The following SH3TC2 variants were observed in gnomAD, a reference collection of about 807,000 sequenced individuals.
The protein encoded by SH3TC2 is SH3 domain and tetratricopeptide repeats 2.
A neutral mutation model predicts 124.5 loss-of-function variants in SH3TC2; 87 were observed. That is an observed-to-expected ratio of 0.70 (90% CI 0.59 to 0.84). The LOEUF (loss-of-function observed/expected upper bound fraction) is 0.84. Among genes scored for constraint, SH3TC2 ranks in the 40% least tolerant of loss-of-function variants. The pLI, the probability that SH3TC2 is intolerant of heterozygous loss-of-function variation, is 0.00. For synonymous variants in SH3TC2, 634 were observed against 628.5 expected, an observed-to-expected ratio of 1.01 and a Z score of -0.13; for missense variants, 1,536 against 1,566.4, an observed-to-expected ratio of 0.98 and a Z score of 0.33.
At chr5:149,014,937 T>A (rs1222050030) in intron 12 of SH3TC2, among the ~76,000 whole-genome samples, 1 of 152,220 alleles carries the variant, frequency 6.6e-6, no homozygotes, top group African/African-American at 2.4e-5. Flanking sequence ...CTGCTCTGTT[T>A]TTTTATGTTC....
intron 12 of SH3TC2, among the ~76,000 whole-genome samples, chr5:149,018,673 G>A (rs920187087): frequency 6.6e-6 from 1 of 152,150 alleles, no homozygotes; most frequent in East Asian, 1.9e-4. Flanking sequence ...ATAATTCAAG[G>A]TAAGATTTGG....
chr5:149,042,657 G>C (rs1420188694), intron 5 of SH3TC2, 37 bp downstream of exon 5: 2 of 1,613,114 alleles, frequency 1.2e-6, no homozygotes, highest in Non-Finnish European at 1.7e-6. Flanking sequence ...GCAAATATCT[G>C]AATAAGATCC....
At chr5:149,053,973 T>C (rs1038952393) in intron 1 of SH3TC2, among the ~76,000 whole-genome samples, 6 of 152,204 alleles carry the variant, frequency 3.9e-5, no homozygotes, top group Non-Finnish European at 8.8e-5. Context: ...AGATCTAATG[T>C]TTGATAATAC....
chr5:149,031,121 G>A (rs777772660), intron 9 of SH3TC2, among the ~76,000 whole-genome samples: 7 of 152,170 alleles, frequency 4.6e-5, no homozygotes, highest in Non-Finnish European at 8.8e-5. Flanking sequence ...GCACTAATTC[G>A]TTTAGGCCTG....
Position 149,001,916 on chromosome 5 carries a change from G to A in SH3TC2, c.*2795C>T, listed in dbSNP as rs1378041263. ...GCATGTGCATATTTGCAGCAATTGA[G>A]AAAGATCTGTCCAAACAGAAGTTCA... On this transcript the variant is annotated 3_prime_UTR_variant, in exon 17 of 17. Coordinates refer to ENST00000515425, the MANE Select transcript of SH3TC2 (RefSeq NM_024577.4). 6.6e-6 allele frequency: 1 copy of A among 152,236 alleles called. No homozygotes were observed. Among genetic ancestry groups the A allele is most frequent in the African/African-American group, 2.4e-5 (1 of 41,456 alleles). The allele number at this position is 152,236 out of a possible 1,614,324, so 9.4% of individuals were successfully genotyped here.
Position 149,004,705 on chromosome 5 carries a change from C to A in SH3TC2, c.*6G>T. On this transcript the variant is annotated 3_prime_UTR_variant, in exon 17 of 17. Transcript: ENST00000515425. ...TGCCAAATGTCCAGAGACAGGACAGCTTTCCTCAGAGGGCCAGGCCACCAC... is the reference window on the plus strand; with the variant it reads ...TGCCAAATGTCCAGAGACAGGACAGATTTCCTCAGAGGGCCAGGCCACCAC... 6.2e-7 allele frequency: 1 copy of A among 1,612,684 alleles called. No homozygotes were observed. The highest frequency in any genetic ancestry group is 8.5e-7 in the Non-Finnish European group (1 of 1,179,904).
At chr5:149,049,416 C>T (rs138187310) in intron 2 of SH3TC2, among the ~76,000 whole-genome samples, 1 of 152,300 alleles carries the variant, frequency 6.6e-6, no homozygotes, top group African/African-American at 2.4e-5. Context: ...CCTCTCTATG[C>T]ATGGCTTTTC....
intron 9 of SH3TC2, among the ~76,000 whole-genome samples, chr5:149,029,564 G>A (rs1347589033): frequency 6.6e-6 from 1 of 152,090 alleles, no homozygotes; most frequent in Admixed American, 6.6e-5. Context: ...AAAAGCAGCA[G>A]GGGAGTGAGG....
rs902334825 is a variant in SH3TC2 at position 148,987,362 on chromosome 5, G to T, written c.*17349C>A. On this transcript the variant is annotated 3_prime_UTR_variant, in exon 17 of 17. Transcript: ENST00000515425. ...TTTCATTGATCTATTGCTACAGCCT[G>T]GGGCAGTGCCAGGCACATAGAAGGA... 6.6e-6 allele frequency among the ~76,000 whole-genome samples: 1 copy of T among 152,172 alleles called. No individual in the cohort carries two copies. The highest frequency in any genetic ancestry group is 6.5e-5 in the Admixed American group (1 of 15,278).
rs1235255763 is a variant in SH3TC2 at position 148,986,198 on chromosome 5, A to G, written c.*18513T>C. Among the ~76,000 whole-genome samples, 8 of 152,202 alleles carry G rather than the reference A, an allele frequency of 5.3e-5. No individual in the cohort carries two copies. The highest frequency in any genetic ancestry group is 1.9e-4 in the African/African-American group (8 of 41,460). On this transcript the variant is annotated 3_prime_UTR_variant, in exon 17 of 17. Transcript: ENST00000515425. The stretch of plus-strand genomic sequence containing the variant: ...AACTGCCTTAAACCACAGCTTCTTC[A>G]TCTCTGCAGGGTTTTTGTAAGAACA...
chr5:149,007,252 C>G, intron 15 of SH3TC2, 175 bp from the exon 16 acceptor site: 2 of 682,932 alleles, frequency 2.9e-6, no homozygotes, highest in Non-Finnish European at 5.3e-6. Context: ...TCTCACATGA[C>G]AGACATTCCT....
At position 148,997,260 on chromosome 5, in the gene SH3TC2, G is replaced by C. The variant is rs114534145; in HGVS notation, c.*7451C>G. On this transcript the variant is annotated 3_prime_UTR_variant, in exon 17 of 17. Transcript: ENST00000515425. ...TCCTCAGATGTCCATAGTCTTCTAC[G>C]ATTGGCTCTGGAGTCTCTTGCAAGT... Among the ~76,000 whole-genome samples, 16 of 152,282 alleles carry C rather than the reference G, an allele frequency of 1.1e-4. No homozygotes were observed. Among genetic ancestry groups the C allele is most frequent in the African/African-American group, 3.9e-4 (16 of 41,548 alleles).
At chr5:149,012,844 A>C in intron 12 of SH3TC2, 110 bp from the exon 13 acceptor site, 12 of 1,250,334 alleles carry the variant, frequency 9.6e-6, no homozygotes, top group Non-Finnish European at 1.4e-5. Context: ...GTCCCACATC[A>C]CACAGGGAGG....
At chr5:149,009,062 T>C (rs1753740248) in intron 14 of SH3TC2, 61 bp from the exon 15 acceptor site, 1 of 1,605,800 alleles carries the variant, frequency 6.2e-7, no homozygotes, top group Non-Finnish European at 8.5e-7. Context: ...ATACCATAGC[T>C]AGGAGACTTA....
intron 12 of SH3TC2, among the ~76,000 whole-genome samples, chr5:149,014,190 T>C (rs930292565): frequency 9.9e-5 from 15 of 152,132 alleles, no homozygotes; most frequent in African/African-American, 3.1e-4. Context: ...CAGCATTTCA[T>C]AGGGAGCTTA....
chr5:149,007,202 A>G, intron 15 of SH3TC2, 125 bp from the exon 16 acceptor site: 1 of 845,664 alleles, frequency 1.2e-6, no homozygotes, highest in South Asian at 1.4e-5. Flanking sequence ...GGGCATAGGA[A>G]ATAAGACAGA....
Position 149,026,696 on chromosome 5 carries a change from G to A in SH3TC2, c.2929C>T (p.Pro977Ser). Residue 977 changes from proline to serine, a missense_variant, in exon 12 of 17, where the codon CCT becomes TCT. Physicochemically the swap from Pro to Ser is moderately conservative, Grantham distance 74. Around this residue, in one of 3 missense-constraint regions of SH3TC2, gnomAD observed 426 missense variants for 443.5 expected, o/e 0.96. Transcript: ENST00000515425. Reference sequence around the variant, plus strand: ...TCATGGTAGGTGATGCATGCCTCAGGGTTTGGGGACACAGAGCTGTAGAAA... The same window carrying A: ...TCATGGTAGGTGATGCATGCCTCAGAGTTTGGGGACACAGAGCTGTAGAAA... ...CHFYSSVSPNPEACITYHEHW... is the reference protein window; with the variant it reads ...CHFYSSVSPNSEACITYHEHW... 1 of 1,614,186 alleles carries A rather than the reference G, an allele frequency of 6.2e-7. No homozygotes were observed. The highest frequency in any genetic ancestry group is 8.5e-7 in the Non-Finnish European group (1 of 1,180,036).
rs1753389446 is a variant in SH3TC2 at position 148,989,544 on chromosome 5, C to A, written c.*15167G>T. ...CAGAACTGTGTACCTTGGAAAATCA[C>A]TCTGAAGGAAGGACTTACATGTGAG... On this transcript the variant is annotated 3_prime_UTR_variant, in exon 17 of 17. Transcript: ENST00000515425. Among the ~76,000 whole-genome samples the A allele has an allele frequency of 6.6e-6, 1 of 152,202 alleles. No individual in the cohort carries two copies. Among genetic ancestry groups the A allele is most frequent in the African/African-American group, 2.4e-5 (1 of 41,458 alleles).
Position 149,028,423 on chromosome 5 carries a change from C to T in SH3TC2, c.1309G>A (p.Asp437Asn). Residue 437 changes from aspartate (D) to asparagine (N), a missense_variant, in exon 11 of 17, where the codon GAC (aspartate) becomes AAC (asparagine). Around this residue, in one of 3 missense-constraint regions of SH3TC2, gnomAD observed 1,102 missense variants for 1,098.6 expected, o/e 1.00. Transcript: ENST00000515425. ...LEEELLSATSDSYRLPEPDDL... is the reference protein window; with the variant it reads ...LEEELLSATSNSYRLPEPDDL... ...TCAGGCTCCGGCAGGCGATAGCTGT[C>T]TGAGGTGGCCGAGAGGAGCTCCTCC... 1 of 1,613,722 alleles carries T rather than the reference C, an allele frequency of 6.2e-7. No individual in the cohort carries two copies. Among genetic ancestry groups the T allele is most frequent in the Non-Finnish European group, 8.5e-7 (1 of 1,179,800 alleles).
Sources: gnomAD v4.1 joint callset for allele counts (sites outside exome capture counted in the v4.1 genomes callset) on GRCh38, gnomAD v4.1.1 for gene constraint, gnomAD v4.1.1 regional missense constraint, MANE v1.5 for transcripts, NCBI Gene and HGNC (gene_info 2026-07-23, HGNC 2026-07-21) for gene names.